Variants in PATJ observed in about 807,000 individuals in gnomAD.
PATJ encodes inaD-like protein.
PATJ carries 190 observed loss-of-function variants against 224.9 expected under a neutral mutation model. The observed-to-expected ratio is 0.84, with a 90% CI of 0.75 to 0.95. The LOEUF is 0.95. PATJ is among the 40% of genes least tolerant of loss of function. The pLI is 0.00. For synonymous variants in PATJ, 769 were observed against 820.3 expected, an observed-to-expected ratio of 0.94 and a Z score of 1.07; for missense variants, 2,121 against 2,270.3, an observed-to-expected ratio of 0.93 and a Z score of 1.34.
rs770874631 is a variant in PATJ at position 62,050,951 on chromosome 1, T to C, written c.4033-15T>C. 1 of 1,605,058 alleles carries C rather than the reference T, an allele frequency of 6.2e-7. No individual in the cohort carries two copies. The highest frequency in any genetic ancestry group is 8.5e-7 in the Non-Finnish European group (1 of 1,172,486). ...AGAATGACATCTTTGCCATTTTCTT[T>C]TTAACGTTCCATAGGATCAGAGCGG... On this transcript the variant is annotated splice_polypyrimidine_tract_variant and intron_variant, in intron 30 of 43. Coordinates refer to ENST00000642238, the MANE Select transcript of PATJ (RefSeq NM_001350145.3).
intron 28 of PATJ, among the ~76,000 whole-genome samples, chr1:61,998,166 AC>A (rs1300627153): frequency 6.7e-6 from 1 of 149,168 alleles, no homozygotes; most frequent in African/African-American, 2.5e-5. Context: ...TGCAACCTCC[AC>A]CTCCTAAATT....
Position 62,022,839 on chromosome 1 carries a change from G to A in PATJ, c.3959+4892G>A, listed in dbSNP as rs76681249. Among the ~76,000 whole-genome samples, 40 of 152,256 alleles carry A rather than the reference G, an allele frequency of 2.6e-4. No homozygotes were observed. The East Asian group carries it at 5.6e-3, about 21-fold the overall frequency. ...ACCATGGGCTCCACCTTCCTGTATC[G>A]ATTGAACATATGTCTTCCTTTTGTA... On this transcript the variant is annotated intron_variant, in intron 29 of 43. Coordinates refer to ENST00000642238, the MANE Select transcript of PATJ (RefSeq NM_001350145.3).
At chr1:62,152,122 T>G (rs188169580) in intron 42 of PATJ, among the ~76,000 whole-genome samples, 10 of 152,310 alleles carry the variant, frequency 6.6e-5, no homozygotes, top group African/African-American at 2.4e-4. Context: ...CACATGGTAC[T>G]GGGAAGTCTC....
chr1:62,059,970 C>T (rs1292353602), intron 31 of PATJ, among the ~76,000 whole-genome samples: 1 of 152,154 alleles, frequency 6.6e-6, no homozygotes, highest in Non-Finnish European at 1.5e-5. Context: ...AGAAAAGAAA[C>T]AGGAGGAAGA....
intron 21 of PATJ, among the ~76,000 whole-genome samples, chr1:61,879,689 T>G (rs902779202): frequency 6.6e-6 from 1 of 152,050 alleles, no homozygotes; most frequent in Non-Finnish European, 1.5e-5. Context: ...CAGTGCTTTT[T>G]GTAGTGGCAA....
intron 16 of PATJ, among the ~76,000 whole-genome samples, chr1:61,828,231 G>A (rs1658638370): frequency 7.2e-6 from 1 of 139,082 alleles, no homozygotes; most frequent in African/African-American, 2.7e-5. Flanking sequence ...CAACAAGAGC[G>A]AAACTCCATC....
intron 43 of PATJ, among the ~76,000 whole-genome samples, chr1:62,160,706 T>C (rs1669759342): frequency 6.6e-6 from 1 of 152,246 alleles, no homozygotes; most frequent in Admixed American, 6.5e-5. Flanking sequence ...TCCATAATTA[T>C]AGTTACTATT....
rs112865718 is a variant in PATJ at position 62,056,546 on chromosome 1, C to T, written c.4125+5488C>T. On this transcript the variant is annotated intron_variant, in intron 31 of 43. Transcript: ENST00000642238. ...TTATCTCAAAAAAAAAAGTTGTGGC[C>T]GAGGCTGGTGGATCACCTGAGGTCA... Among the ~76,000 whole-genome samples, 1,042 of 151,984 alleles carry T rather than the reference C, an allele frequency of 6.9e-3. 12 individuals carry two copies. Among genetic ancestry groups the T allele is most frequent in the African/African-American group, 0.023 (971 of 41,470 alleles).
chr1:62,090,227 A>G (rs1326220537), intron 33 of PATJ, among the ~76,000 whole-genome samples: 2 of 152,170 alleles, frequency 1.3e-5, no homozygotes, highest in East Asian at 1.9e-4. Context: ...CCAATCCTCA[A>G]TGACAGACTT....
At chr1:61,759,364 T>A (rs1151781) in intron 1 of PATJ, among the ~76,000 whole-genome samples, 11,977 of 150,438 alleles carry the variant, frequency 0.08, 547 homozygotes, top group Non-Finnish European at 0.1. Flanking sequence ...CCTTTCCCCC[T>A]CATCCCCTTT....
intron 28 of PATJ, among the ~76,000 whole-genome samples, chr1:61,999,327 G>C (rs1028408800): frequency 6.6e-6 from 1 of 152,152 alleles, no homozygotes. Flanking sequence ...GGAAAAATAT[G>C]CTCTTAGAAT....
chr1:61,903,397 A>G (rs536973108), intron 24 of PATJ, among the ~76,000 whole-genome samples: 1 of 152,340 alleles, frequency 6.6e-6, no homozygotes, highest in African/African-American at 2.4e-5. Flanking sequence ...GTTTGCTGAG[A>G]TGGGCAAGAC....
At chr1:61,857,146 T>C (rs1375837359) in intron 18 of PATJ, among the ~76,000 whole-genome samples, 1 of 152,146 alleles carries the variant, frequency 6.6e-6, no homozygotes, top group African/African-American at 2.4e-5. Flanking sequence ...GAAGGCTACA[T>C]TACAGTTATG....
At chr1:61,764,178 A>C (rs765850108) in intron 3 of PATJ, among the ~76,000 whole-genome samples, 2 of 152,146 alleles carry the variant, frequency 1.3e-5, no homozygotes, top group African/African-American at 2.4e-5. Context: ...ATCTAACAAG[A>C]AGTGATCATG....
intron 33 of PATJ, among the ~76,000 whole-genome samples, chr1:62,101,618 C>A (rs751758823): frequency 1.3e-5 from 2 of 152,130 alleles, no homozygotes; most frequent in Non-Finnish European, 1.5e-5. Flanking sequence ...CTACTTCTTC[C>A]TGGTTGTCCA....
intron 40 of PATJ, chr1:62,128,388 G>T: frequency 3.1e-6 from 1 of 320,974 alleles, no homozygotes; most frequent in Non-Finnish European, 5.7e-6. Flanking sequence ...GCTCTCAACT[G>T]AGAGACATTT....
At chr1:61,919,312 CT>C (rs1165429186) in intron 26 of PATJ, among the ~76,000 whole-genome samples, 1 of 145,270 alleles carries the variant, frequency 6.9e-6, no homozygotes, top group Non-Finnish European at 1.6e-5. Flanking sequence ...TTTTTTCTTT[CT>C]TTTTCTTTTT....
At chr1:61,939,676 CTTTTTTTTT>C (rs71050183) in intron 27 of PATJ, among the ~76,000 whole-genome samples, 14,033 of 58,744 alleles carry the variant, frequency 0.24, 917 homozygotes, top group Middle Eastern at 0.4. Flanking sequence ...TTTCTATGTG[CTTTTTTTTT>C]TTTTTTTTTT....
intron 24 of PATJ, among the ~76,000 whole-genome samples, chr1:61,902,418 C>A (rs1209541088): frequency 6.6e-6 from 1 of 151,852 alleles, no homozygotes; most frequent in Admixed American, 6.6e-5. Context: ...ATACAAAGAG[C>A]CCTGGATGTC....
Sources: allele counts gnomAD v4.1 joint callset (sites outside exome capture counted in the v4.1 genomes callset), GRCh38; gene constraint gnomAD v4.1.1; transcripts MANE v1.5; gene names NCBI Gene and HGNC (gene_info 2026-07-23, HGNC 2026-07-21).